The following STON1 variants were observed in gnomAD, a reference collection of about 807,000 sequenced individuals.
STON1 encodes stonin-1.
Under a neutral mutation model 60.9 loss-of-function variants are expected in STON1, and 79 were observed. The observed-to-expected ratio is 1.30, with a 90% CI of 1.08 to 1.56. The LOEUF (loss-of-function observed/expected upper bound fraction) is 1.56. STON1 is among the 40% of genes most tolerant of loss of function. The probability of loss-of-function intolerance (pLI) is 0.00; values close to 1 mark genes in which losing one functional copy is unlikely to be tolerated. For synonymous variants in STON1, 363 were observed against 306.9 expected (o/e 1.18, Z -1.91); for missense variants, 1,166 against 858.9 (o/e 1.36, Z -4.47).
At chr2:48,592,763 T>C (rs1034356575) in intron 3 of STON1, among the ~76,000 whole-genome samples, 8 of 151,634 alleles carry the variant, frequency 5.3e-5, no homozygotes, top group Non-Finnish European at 8.8e-5. Context: ...GCCTAGCCTA[T>C]TGGTAGCTTA....
rs774117294 is a variant in STON1, at chr2:48,581,520, C to A, written c.887C>A (p.Pro296Gln). ...ATGATGTCTTCCCGGCAATGGGGACCAATTTTTCTGAAAGTTTTGCCTGGA... is the reference window on the plus strand; with the variant it reads ...ATGATGTCTTCCCGGCAATGGGGACAAATTTTTCTGAAAGTTTTGCCTGGA... ...KNMMSSRQWG[P>Q]IFLKVLPGGI... is the part of the protein sequence containing the mutation. The change falls in exon 2 of 4, where the codon CCA (proline) becomes CAA (glutamine). Residue 296 changes from proline to glutamine, a missense_variant. By Grantham distance (76) the Pro-to-Gln change is moderately conservative. Transcript: ENST00000404752. 1.1e-5 allele frequency: 18 copies of A among 1,614,052 alleles called. No homozygotes were observed. The highest frequency in any genetic ancestry group is 1.5e-5 in the Non-Finnish European group (18 of 1,180,038).
intron 1 of STON1, among the ~76,000 whole-genome samples, chr2:48,564,405 G>GTCTTCTTCTTCTTCTTCTTCT (rs1241898892): frequency 9.6e-5 from 8 of 83,028 alleles, no homozygotes; most frequent in East Asian, 4.4e-4. Context: ...CAGTGGCGGT[G>GTCTTCTTCTTCTTCTTCTTCT]TCTTCTTCTT....
At chr2:48,572,918 A>G in intron 1 of STON1, among the ~76,000 whole-genome samples, 1 of 152,304 alleles carries the variant, frequency 6.6e-6, no homozygotes, top group African/African-American at 2.4e-5. Context: ...AGTGACAGTG[A>G]AATGGCCTCC....
intron 1 of STON1, among the ~76,000 whole-genome samples, chr2:48,554,472 C>T (rs190902521): frequency 2.6e-5 from 4 of 152,298 alleles, no homozygotes; most frequent in African/African-American, 7.2e-5. Context: ...ATCTGCCTGC[C>T]TCGGCCTCCC....
At chr2:48,564,405 G>GCCTTCT (rs1412083124) in intron 1 of STON1, among the ~76,000 whole-genome samples, 5 of 82,940 alleles carry the variant, frequency 6.0e-5, no homozygotes, top group African/African-American at 9.3e-5. Context: ...CAGTGGCGGT[G>GCCTTCT]TCTTCTTCTT....
chr2:48,549,808 CTCAAAAAAA>C (rs1284300070), intron 1 of STON1, among the ~76,000 whole-genome samples: 9 of 72,942 alleles, frequency 1.2e-4, no homozygotes, highest in Non-Finnish European at 1.7e-4. Context: ...GTGACTCCAT[CTCAAAAAAA>C]AAAAAAAAAA....
chr2:48,585,651 C>G (rs1219904686), intron 2 of STON1, among the ~76,000 whole-genome samples: 1 of 152,164 alleles, frequency 6.6e-6, no homozygotes, highest in Non-Finnish European at 1.5e-5. Context: ...TCCAAATGGT[C>G]TATTCTAAAA....
intron 1 of STON1, among the ~76,000 whole-genome samples, chr2:48,577,023 C>T (rs915085521): frequency 6.7e-6 from 1 of 149,468 alleles, no homozygotes; most frequent in Non-Finnish European, 1.5e-5. Flanking sequence ...CACTGCACTC[C>T]AGCCTGGGCG....
rs1330074467 is a variant in STON1 at position 48,564,403 on chromosome 2, GTGTCTT to G, written c.-47-16183_-47-16178del. ...GCTAGGTCCTCCAGTGGCAGTGGCG[GTGTCTT>G]CTTCTTCTTCTTCTTCTTCTTCTTC... On this transcript the variant is annotated intron_variant, in intron 1 of 3. Transcript: ENST00000404752. Among the ~76,000 whole-genome samples, 91 of 130,030 alleles carry G rather than the reference GTGTCTT, an allele frequency of 7.0e-4. 1 individual carries two copies. The highest frequency in any genetic ancestry group is 2.5e-3 in the African/African-American group (88 of 34,808). 85.3% of individuals were successfully genotyped at this position (130,030 alleles called of 152,430 possible). A position where few individuals can be genotyped will look rare whatever the true frequency, so the allele number is the denominator to read the frequency against.
At chr2:48,553,298 C>G (rs1236722633) in intron 1 of STON1, among the ~76,000 whole-genome samples, 1 of 152,108 alleles carries the variant, frequency 6.6e-6, no homozygotes, top group Non-Finnish European at 1.5e-5. Context: ...CCTGAAGGCT[C>G]AAGAGTTTAG....
Position 48,581,689 on chromosome 2 carries a change from G to A in STON1, c.1056G>A (p.Val352=), listed in dbSNP as rs1558635220. The part of the protein sequence containing the change: ...GKIHTVKIEH[V]SYTEKRKYHS... ...TCCACACTGTGAAGATTGAACATGT[G>A]TCTTACACAGAAAAAAGGAAATACC... Residue 352 remains valine, a synonymous_variant, in exon 2 of 4, where the codon GTG becomes GTA. Transcript: ENST00000404752. 6.2e-7 allele frequency: 1 copy of A among 1,612,130 alleles called. No individual in the cohort carries two copies. The highest frequency in any genetic ancestry group is 8.5e-7 in the Non-Finnish European group (1 of 1,179,506).
At position 48,564,468 on chromosome 2, in the gene STON1, T is replaced by C. The variant is rs1558604478; in HGVS notation, c.-47-16119T>C. On this transcript the variant is annotated intron_variant, in intron 1 of 3. Transcript: ENST00000404752. ...CTTCTTCTTCTTCTTCTTCTTCTTC[T>C]TCTTCTTCTTCTTTCTTCTTCTTCT... 1.6e-4 allele frequency among the ~76,000 whole-genome samples: 9 copies of C among 54,844 alleles called. 1 individual carries two copies. The highest frequency in any genetic ancestry group is 5.7e-4 in the African/African-American group (8 of 13,964). The allele number at this position is 54,844 out of a possible 152,430, so 36.0% of individuals were successfully genotyped here. A position where few individuals can be genotyped will look rare whatever the true frequency, so the allele number is the denominator to read the frequency against.
chr2:48,579,777 T>C (rs1293553867), intron 1 of STON1, among the ~76,000 whole-genome samples: 3 of 152,194 alleles, frequency 2.0e-5, no homozygotes, highest in Non-Finnish European at 4.4e-5. Flanking sequence ...TGGTCTTCTG[T>C]CTGGATGTTC....
intron 1 of STON1, among the ~76,000 whole-genome samples, chr2:48,559,269 G>A (rs1672511579): frequency 6.6e-6 from 1 of 152,142 alleles, no homozygotes; most frequent in African/African-American, 2.4e-5. Flanking sequence ...ACAAAAAATA[G>A]CTTAGATTGA....
At chr2:48,579,315 C>CTT (rs34995168) in intron 1 of STON1, among the ~76,000 whole-genome samples, 121 of 147,256 alleles carry the variant, frequency 8.2e-4, no homozygotes, top group African/African-American at 2.5e-3. Flanking sequence ...CTCTTTCTTC[C>CTT]TTTTTTTTTT....
intron 1 of STON1, among the ~76,000 whole-genome samples, chr2:48,557,445 T>A (rs1182850818): frequency 9.8e-6 from 1 of 102,356 alleles, no homozygotes; most frequent in African/African-American, 3.5e-5. Context: ...CTCCTCACTT[T>A]CCAGACTGGG....
chr2:48,566,588 C>T (rs774579987), intron 1 of STON1, among the ~76,000 whole-genome samples: 1 of 152,148 alleles, frequency 6.6e-6, no homozygotes, highest in African/African-American at 2.4e-5. Flanking sequence ...CGACCTGTGA[C>T]TGGGCATTTT....
At chr2:48,537,271 A>C (rs1671466571) in intron 1 of STON1, among the ~76,000 whole-genome samples, 1 of 152,174 alleles carries the variant, frequency 6.6e-6, no homozygotes, top group African/African-American at 2.4e-5. Flanking sequence ...GTCTTTATTA[A>C]ACTAAGAACT....
At chr2:48,536,439 T>G (rs2103737939) in intron 1 of STON1, among the ~76,000 whole-genome samples, 1 of 150,840 alleles carries the variant, frequency 6.6e-6, no homozygotes, top group South Asian at 2.1e-4. Flanking sequence ...TCCCAGCTAC[T>G]CGGGAGGTTG....
Sources: gnomAD v4.1 joint callset for allele counts (sites outside exome capture counted in the v4.1 genomes callset) on GRCh38, gnomAD v4.1.1 for gene constraint, MANE v1.5 for transcripts, NCBI Gene and HGNC (gene_info 2026-07-23, HGNC 2026-07-21) for gene names.